The following RYK variants were observed in gnomAD, a reference collection of about 807,000 sequenced individuals.
RYK encodes the protein inactive tyrosine-protein kinase RYK.
Under a neutral mutation model 70.2 loss-of-function variants are expected in RYK, and 21 were observed. The ratio of observed to expected loss-of-function variants is 0.30; its 90% CI spans 0.21 to 0.43. The LOEUF is 0.43. Ranked by LOEUF, RYK falls within the 20% of genes least tolerant of loss-of-function variation. The pLI is 1.00. For synonymous variants in RYK, 267 were observed against 278.0 expected, an observed-to-expected ratio of 0.96 and a Z score of 0.39; for missense variants, 604 against 753.3, an observed-to-expected ratio of 0.80 and a Z score of 2.32.
intron 1 of RYK, 146 bp downstream of exon 1, chr3:134,250,277 G>T: frequency 2.7e-6 from 1 of 376,262 alleles, no homozygotes; most frequent in Non-Finnish European, 4.6e-6. Context: ...ACGGCAGGCA[G>T]AGACCGGGCC....
intron 1 of RYK, among the ~76,000 whole-genome samples, chr3:134,238,866 G>A (rs751480370): frequency 6.6e-6 from 1 of 151,982 alleles, no homozygotes; most frequent in Admixed American, 6.5e-5. Flanking sequence ...ATGCATTTTG[G>A]GGAAAAAAAA....
At chr3:134,227,255 G>A (rs1228529043) in intron 1 of RYK, among the ~76,000 whole-genome samples, 1 of 151,960 alleles carries the variant, frequency 6.6e-6, no homozygotes, top group Non-Finnish European at 1.5e-5. Flanking sequence ...ATAAAACATG[G>A]CTAAGAAAAA....
intron 1 of RYK, among the ~76,000 whole-genome samples, chr3:134,229,750 A>G (rs1280793538): frequency 6.6e-6 from 1 of 152,178 alleles, no homozygotes; most frequent in Non-Finnish European, 1.5e-5. Flanking sequence ...TAAAATGGAC[A>G]AAAGATGTCA....
intron 9 of RYK, 72 bp downstream of exon 9, chr3:134,188,765 A>G (rs1346945005): frequency 1.5e-5 from 13 of 874,194 alleles, no homozygotes; most frequent in Non-Finnish European, 2.4e-5. Context: ...GGAAACTGAG[A>G]CAGAATTTTG....
chr3:134,176,121 T>C, intron 11 of RYK, 82 bp from the exon 12 acceptor site: 1 of 815,364 alleles, frequency 1.2e-6, no homozygotes, highest in Admixed American at 2.4e-5. Flanking sequence ...TCCACAATCC[T>C]ACTCCATCCA....
Position 134,250,612 on chromosome 3 carries a change from G to A in RYK, c.43C>T (p.Leu15Phe), listed in dbSNP as rs1331567029. 3.9e-6 allele frequency: 4 copies of A among 1,022,438 alleles called. No homozygotes were observed. Among genetic ancestry groups the A allele is most frequent in the South Asian group, 4.5e-5 (1 of 22,416 alleles). 63.3% of individuals were successfully genotyped at this position (1,022,438 alleles called of 1,614,324 possible). ...ARLGRPGRSC[L>F]PGARGLRAPP... ...GCCCTCAGGCCGCGGGCCCCCGGGA[G>A]GCAACTCCGGCCCGGCCGCCCCAGC... Residue 15 changes from leucine to phenylalanine, a missense_variant, in exon 1 of 15, where the codon CTC becomes TTC. Around this residue, in one of 2 missense-constraint regions of RYK, gnomAD observed 466 missense variants for 535.9 expected, o/e 0.87. Transcript: ENST00000623711.
At chr3:134,232,102 T>G (rs1398136367) in intron 1 of RYK, among the ~76,000 whole-genome samples, 3 of 152,214 alleles carry the variant, frequency 2.0e-5, no homozygotes, top group African/African-American at 7.2e-5. Context: ...AGCTAGTAGT[T>G]CTTCAGCTCT....
intron 8 of RYK, among the ~76,000 whole-genome samples, chr3:134,190,428 T>C (rs1202627318): frequency 6.6e-6 from 1 of 152,114 alleles, no homozygotes; most frequent in African/African-American, 2.4e-5. Context: ...CACAAAAATA[T>C]ATATGTACAT....
chr3:134,165,111 CATT>C (rs1364111044), intron 13 of RYK, among the ~76,000 whole-genome samples: 2 of 152,170 alleles, frequency 1.3e-5, no homozygotes, highest in Non-Finnish European at 2.9e-5. Context: ...AGCTCTTTCA[CATT>C]TTTTGTCAGA....
In RYK at chr3:134,173,235, C is replaced by T. The variant is rs185007549; in HGVS notation, c.1575+2374G>A. Among the ~76,000 whole-genome samples, 74 of 151,302 alleles carry T rather than the reference C, an allele frequency of 4.9e-4. No homozygotes were observed. The East Asian group carries it at 9.0e-3, about 18-fold the overall frequency. ...GGCGGAGGTTGCACTGAGCTGCAAT[C>T]GCGCCACTGCACTCCAGTCTGGTGA... On this transcript the variant is annotated intron_variant, in intron 13 of 14. Coordinates refer to ENST00000623711, the MANE Select transcript of RYK (RefSeq NM_002958.4).
Sources: allele counts gnomAD v4.1 joint callset (sites outside exome capture counted in the v4.1 genomes callset), GRCh38; gene constraint gnomAD v4.1.1; regional missense constraint gnomAD v4.1.1; transcripts MANE v1.5; gene names NCBI Gene and HGNC (gene_info 2026-07-23, HGNC 2026-07-21).